APP: variants seen among roughly 807,000 people sequenced by gnomAD.
APP encodes amyloid beta precursor protein.
A neutral mutation model predicts 101.4 loss-of-function variants in APP; 31 were observed. That is an observed-to-expected ratio of 0.31 (90% CI 0.23 to 0.41). APP has a LOEUF of 0.41. Among genes scored for constraint, APP ranks in the 10% least tolerant of loss-of-function variants. APP has a pLI of 1.00. For synonymous variants in APP, 366 were observed against 364.4 expected (o/e 1.00, Z -0.05); for missense variants, 839 against 1,003.7 (o/e 0.84, Z 2.22).
At chr21:26,125,761 C>A (rs973601246) in intron 1 of APP, among the ~76,000 whole-genome samples, 8 of 152,206 alleles carry the variant, frequency 5.3e-5, no homozygotes, top group Non-Finnish European at 1.5e-5. Context: ...CACATCACAT[C>A]AGGAGTTCTA....
At chr21:25,882,266 G>C (rs2037038715) in intron 17 of APP, among the ~76,000 whole-genome samples, 1 of 151,276 alleles carries the variant, frequency 6.6e-6, no homozygotes, top group Admixed American at 6.6e-5. Flanking sequence ...GCTGAATTTA[G>C]TCTAGCCCAT....
At chr21:26,146,231 G>T (rs530854996) in intron 1 of APP, among the ~76,000 whole-genome samples, 16 of 152,292 alleles carry the variant, frequency 1.1e-4, no homozygotes, top group Non-Finnish European at 2.1e-4. Context: ...AGGTACTCGG[G>T]AGGCTGAGGC....
chr21:26,017,648 G>C (rs540655858), intron 6 of APP, among the ~76,000 whole-genome samples: 1 of 147,894 alleles, frequency 6.8e-6, no homozygotes, highest in South Asian at 2.2e-4. Flanking sequence ...TCTGGACAGG[G>C]CACAATTGGC....
At chr21:26,116,391 G>T (rs1445175149) in intron 1 of APP, among the ~76,000 whole-genome samples, 1 of 152,128 alleles carries the variant, frequency 6.6e-6, no homozygotes, top group Non-Finnish European at 1.5e-5. Flanking sequence ...TAACATAAAC[G>T]AATATAAACA....
At chr21:25,883,474 G>A (rs1044217464) in intron 17 of APP, among the ~76,000 whole-genome samples, 1 of 152,042 alleles carries the variant, frequency 6.6e-6, no homozygotes, top group Non-Finnish European at 1.5e-5. Context: ...GGTGGATCAC[G>A]AGGTCGGGAG....
chr21:26,068,816 C>T (rs1385543997), intron 3 of APP, among the ~76,000 whole-genome samples: 3 of 152,186 alleles, frequency 2.0e-5, no homozygotes, highest in Non-Finnish European at 2.9e-5. Context: ...CTCACTCAGA[C>T]ATATCATCCA....
intron 1 of APP, among the ~76,000 whole-genome samples, chr21:26,121,208 T>C (rs1311828601): frequency 6.6e-6 from 1 of 152,248 alleles, no homozygotes; most frequent in Non-Finnish European, 1.5e-5. Context: ...GCCAAATATG[T>C]GTAAGAGTTA....
intron 15 of APP, among the ~76,000 whole-genome samples, chr21:25,904,052 T>C (rs1306620596): frequency 6.6e-6 from 1 of 152,214 alleles, no homozygotes; most frequent in Admixed American, 6.5e-5. Context: ...CTCTGTGTAT[T>C]AATATCTTCA....
intron 8 of APP, among the ~76,000 whole-genome samples, chr21:25,988,033 G>A (rs946267856): frequency 6.6e-6 from 1 of 152,180 alleles, no homozygotes; most frequent in African/African-American, 2.4e-5. Flanking sequence ...GGAGAGCTGA[G>A]GGGAGAGGGG....
Position 25,886,229 on chromosome 21 carries a change from C to T in APP, c.2212-4458G>A, listed in dbSNP as rs11910962. On this transcript the variant is annotated intron_variant, in intron 17 of 17. Transcript: ENST00000346798. Reference sequence around the variant, plus strand: ...GTTTTCAAGCTAGTGACTTATCCCTCGTAACCTCCCAGTAACTGCCTGCTA... The same window carrying T: ...GTTTTCAAGCTAGTGACTTATCCCTTGTAACCTCCCAGTAACTGCCTGCTA... Among the ~76,000 whole-genome samples the T allele has an allele frequency of 6.7e-3, 1,027 of 152,186 alleles. 13 individuals carry two copies. Among genetic ancestry groups the T allele is most frequent in the African/African-American group, 0.024 (990 of 41,528 alleles).
chr21:26,072,419 T>C (rs1038305351), intron 3 of APP, among the ~76,000 whole-genome samples: 4 of 152,190 alleles, frequency 2.6e-5, no homozygotes, highest in Admixed American at 2.6e-4. Flanking sequence ...AATAATTACA[T>C]TGCTGAGACC....
At chr21:26,004,275 C>CTTTTTTTTTTTT (rs71183538) in intron 6 of APP, among the ~76,000 whole-genome samples, 1 of 72,792 alleles carries the variant, frequency 1.4e-5, no homozygotes. Context: ...TGTATTAATT[C>CTTTTTTTTTTTT]TTTTTTTTTT....
At chr21:26,121,886 G>A (rs1247843119) in intron 1 of APP, among the ~76,000 whole-genome samples, 1 of 152,040 alleles carries the variant, frequency 6.6e-6, no homozygotes, top group African/African-American at 2.4e-5. Flanking sequence ...CACTCGGAAC[G>A]TAGAGCATGG....
intron 2 of APP, among the ~76,000 whole-genome samples, chr21:26,098,287 T>C (rs529889748): frequency 6.6e-6 from 1 of 151,810 alleles, no homozygotes; most frequent in Admixed American, 6.6e-5. Flanking sequence ...ACCATCAGAA[T>C]GTTTTGTTCC....
chr21:26,166,139 A>G lies in APP; in HGVS notation c.57+4425T>C, dbSNP rs546510541. Among the ~76,000 whole-genome samples, 203 of 152,350 alleles carry G rather than the reference A, an allele frequency of 1.3e-3. 1 individual carries two copies. The highest frequency in any genetic ancestry group is 4.7e-3 in the African/African-American group (194 of 41,566). On this transcript the variant is annotated intron_variant, in intron 1 of 17. Transcript: ENST00000346798. ...CACACTAAACTGAAAAAATAGTTAC[A>G]TAACATTTCCCCCTTTACTAAGCTT...
chr21:25,907,307 A>G (rs890573343), intron 14 of APP, among the ~76,000 whole-genome samples: 1 of 152,250 alleles, frequency 6.6e-6, no homozygotes, highest in African/African-American at 2.4e-5. Flanking sequence ...TGCTCAAAAA[A>G]TAAGTAGCTC....
intron 5 of APP, among the ~76,000 whole-genome samples, chr21:26,036,108 A>G (rs1164822960): frequency 6.6e-6 from 1 of 152,150 alleles, no homozygotes; most frequent in Non-Finnish European, 1.5e-5. Flanking sequence ...AATGGTATTT[A>G]AAGTCAAGGG....
rs45541335 is a variant in APP, at chr21:25,897,804, C to G, written c.1964-131G>C. On this transcript the variant is annotated intron_variant, in intron 15 of 17. Coordinates refer to ENST00000346798, the MANE Select transcript of APP (RefSeq NM_000484.4). Reference sequence around the variant, plus strand: ...GTTAGAAGAAAATTGATAAATGACTCTTAAAGAAAAATGATACCCTATATT... The same window carrying G: ...GTTAGAAGAAAATTGATAAATGACTGTTAAAGAAAAATGATACCCTATATT... The G allele has an allele frequency of 1.5e-3, 1,140 of 740,956 alleles. 9 individuals carry two copies. Among genetic ancestry groups the G allele is most frequent in the Middle Eastern group, 0.014 (60 of 4,162 alleles). The allele number at this position is 740,956 out of a possible 1,614,324, so 45.9% of individuals were successfully genotyped here.
intron 13 of APP, chr21:25,934,979 GC>G (rs532369122): frequency 8.2e-4 from 125 of 152,336 alleles, no homozygotes; most frequent in Middle Eastern, 3.4e-3. Context: ...GATTTTGGAT[GC>G]CAGGTCAACC....
Sources: allele counts gnomAD v4.1 joint callset (sites outside exome capture counted in the v4.1 genomes callset), GRCh38; gene constraint gnomAD v4.1.1; transcripts MANE v1.5; gene names NCBI Gene and HGNC (gene_info 2026-07-23, HGNC 2026-07-21).